POMT2: variants seen among roughly 807,000 people sequenced by gnomAD.
POMT2 encodes protein O-mannosyltransferase 2.
In POMT2, 75 loss-of-function variants were observed where a neutral mutation model predicts 100.0. The observed-to-expected ratio is 0.75, with a 90% CI of 0.62 to 0.91. The LOEUF (loss-of-function observed/expected upper bound fraction) is 0.91, where lower values mean the gene tolerates loss of function less well. Ranked by LOEUF, POMT2 falls within the 40% of genes least tolerant of loss-of-function variation. The pLI is 0.00. For missense variants in POMT2, 940 were observed against 955.1 expected (o/e 0.98, Z 0.21); for synonymous variants, 378 against 374.1 (o/e 1.01, Z -0.12).
chr14:77,313,707 T>A (rs1891523141), intron 1 of POMT2, among the ~76,000 whole-genome samples: 1 of 152,190 alleles, frequency 6.6e-6, no homozygotes, highest in Non-Finnish European at 1.5e-5. Flanking sequence ...TGTTTTGTTT[T>A]GTTTTTGCTT....
intron 15 of POMT2, among the ~76,000 whole-genome samples, chr14:77,282,338 A>G (rs1473578729): frequency 6.6e-6 from 1 of 152,192 alleles, no homozygotes; most frequent in Non-Finnish European, 1.5e-5. Context: ...TCATTCCTGT[A>G]ACTGCACCAG....
intron 2 of POMT2, among the ~76,000 whole-genome samples, chr14:77,310,721 C>T (rs1891407337): frequency 6.6e-6 from 1 of 152,356 alleles, no homozygotes; most frequent in African/African-American, 2.4e-5. Context: ...TCCCTCCCCA[C>T]TTAATCACAG....
At chr14:77,312,183 T>A in intron 1 of POMT2, 150 bp from the exon 2 acceptor site, 1 of 1,327,504 alleles carries the variant, frequency 7.5e-7, no homozygotes, top group Non-Finnish European at 1.0e-6. Context: ...TTGACACAAG[T>A]GATTTTAGGA....
At chr14:77,311,311 C>T (rs1036161788) in intron 2 of POMT2, among the ~76,000 whole-genome samples, 15 of 152,174 alleles carry the variant, frequency 9.9e-5, no homozygotes, top group Admixed American at 9.8e-4. Context: ...CAATGTATTC[C>T]TATTTCTTTT....
intron 14 of POMT2, among the ~76,000 whole-genome samples, 188 bp downstream of exon 14, chr14:77,284,762 G>A (rs1890358586): frequency 6.6e-6 from 1 of 152,160 alleles, no homozygotes; most frequent in South Asian, 2.1e-4. Flanking sequence ...GTTTACGGAG[G>A]GAGTGGATGA....
At chr14:77,296,995 T>A (rs1890855553) in intron 8 of POMT2, among the ~76,000 whole-genome samples, 1 of 152,116 alleles carries the variant, frequency 6.6e-6, no homozygotes, top group Admixed American at 6.5e-5. Context: ...CACTGACAAG[T>A]ATAGGACAGT....
intron 15 of POMT2, 58 bp from the exon 16 acceptor site, chr14:77,280,521 A>G (rs1890181786): frequency 1.9e-6 from 3 of 1,612,522 alleles, no homozygotes; most frequent in Admixed American, 3.3e-5. Flanking sequence ...GCTGACAGAA[A>G]TGTGGGGCCC....
intron 13 of POMT2, 173 bp from the exon 14 acceptor site, chr14:77,285,214 C>T (rs1890377209): frequency 1.4e-6 from 1 of 727,276 alleles, no homozygotes; most frequent in East Asian, 2.7e-5. Context: ...ATACAGTATT[C>T]CCATTTTAGA....
intron 11 of POMT2, chr14:77,287,526 C>T (rs1180048008): frequency 9.7e-6 from 1 of 103,244 alleles, no homozygotes; most frequent in Non-Finnish European, 2.2e-5. Context: ...CTGTCTCTCT[C>T]TCTCTCTCTC....
intron 15 of POMT2, among the ~76,000 whole-genome samples, chr14:77,281,342 T>C (rs1468059149): frequency 1.3e-5 from 2 of 152,170 alleles, no homozygotes; most frequent in African/African-American, 4.8e-5. Context: ...CTTTATACTG[T>C]ACATCTTACT....
At chr14:77,293,533 T>C (rs1890715910) in intron 9 of POMT2, among the ~76,000 whole-genome samples, 2 of 152,238 alleles carry the variant, frequency 1.3e-5, no homozygotes, top group African/African-American at 4.8e-5. Context: ...TTTATACTTT[T>C]CTACATTTTC....
At position 77,278,883 on chromosome 14, in the gene POMT2, G is replaced by A. The variant is rs1296934949; in HGVS notation, c.1892-14C>T. The A allele has an allele frequency of 6.2e-7, 1 of 1,611,826 alleles. No homozygotes were observed. The highest frequency in any genetic ancestry group is 2.2e-5 in the East Asian group (1 of 44,872). The stretch of plus-strand genomic sequence containing the variant: ...CCTGGGACAACCCTGGGCCCAAGCA[G>A]CACAGCCCAGTCAGAAGACAAGGAG... On this transcript the variant is annotated splice_polypyrimidine_tract_variant and intron_variant, in intron 18 of 20. Coordinates refer to ENST00000261534, the MANE Select transcript of POMT2 (RefSeq NM_013382.7).
Position 77,312,046 on chromosome 14 carries a change from CAGAA to C in POMT2, c.249-17_249-14del. On this transcript the variant is annotated splice_polypyrimidine_tract_variant and intron_variant, in intron 1 of 20. Transcript: ENST00000261534. ...AGTCTCATCCCAACTAAAGGAAACACAGAAAGAGAAACAAGAATTTTAAAATTAT... is the reference window on the plus strand; with the variant it reads ...AGTCTCATCCCAACTAAAGGAAACACAGAGAAACAAGAATTTTAAAATTAT... 1.2e-6 allele frequency: 2 copies of C among 1,613,274 alleles called. No individual in the cohort carries two copies. The highest frequency in any genetic ancestry group is 1.7e-6 in the Non-Finnish European group (2 of 1,179,750).
chr14:77,287,166 G>T (rs1890453853), intron 11 of POMT2: 1 of 339,894 alleles, frequency 2.9e-6, no homozygotes, highest in African/African-American at 2.1e-5. Flanking sequence ...GCAGGTTTGA[G>T]GAGAGGAAAA....
In POMT2 at chr14:77,286,793, T is replaced by G; in HGVS notation, c.1283A>C (p.His428Pro). The change falls in exon 12 of 21, where the codon CAT becomes CCT. Residue 428 changes from histidine to proline, a missense_variant. By Grantham distance (77) the His-to-Pro change is moderately conservative (BLOSUM62 -2). Transcript: ENST00000261534. ...ETSRNLHSHY[H>P]EAPMTRKHYQ... Reference sequence around the variant, plus strand: ...GTGCTTCCGGGTCATGGGGGCCTCATGATAGTGACTGTGCAAGTTCCGGGA... The same window carrying G: ...GTGCTTCCGGGTCATGGGGGCCTCAGGATAGTGACTGTGCAAGTTCCGGGA... 6.2e-7 allele frequency: 1 copy of G among 1,614,174 alleles called. No individual in the cohort carries two copies. Among genetic ancestry groups the G allele is most frequent in the Non-Finnish European group, 8.5e-7 (1 of 1,180,034 alleles).
intron 18 of POMT2, chr14:77,279,164 T>G: frequency 2.1e-6 from 1 of 483,574 alleles, no homozygotes; most frequent in Non-Finnish European, 3.8e-6. Context: ...CACTCCCTAC[T>G]TCCACCTCCC....
chr14:77,281,417 G>T (rs868078200), intron 15 of POMT2, among the ~76,000 whole-genome samples: 1 of 152,172 alleles, frequency 6.6e-6, no homozygotes, highest in Admixed American at 6.5e-5. Flanking sequence ...TATTGGGAGA[G>T]AAATCAACCC....
At chr14:77,288,596 G>A (rs1207110239) in intron 11 of POMT2, among the ~76,000 whole-genome samples, 166 bp downstream of exon 11, 2 of 152,120 alleles carry the variant, frequency 1.3e-5, no homozygotes. Context: ...GCAAAGGCTG[G>A]CCTGCAATTT....
intron 2 of POMT2, 87 bp downstream of exon 2, chr14:77,311,862 A>G (rs1012375070): frequency 1.6e-5 from 24 of 1,532,476 alleles, no homozygotes; most frequent in East Asian, 2.3e-5. Context: ...TCTTTCTAGA[A>G]GCCCCAAATC....
Sources: allele counts gnomAD v4.1 joint callset (sites outside exome capture counted in the v4.1 genomes callset), GRCh38; gene constraint gnomAD v4.1.1; transcripts MANE v1.5; gene names NCBI Gene and HGNC (gene_info 2026-07-23, HGNC 2026-07-21).